The following ULK4 variants were observed in gnomAD, a reference collection of about 807,000 sequenced individuals.
The protein encoded by ULK4 is unc-51 like kinase 4.
A neutral mutation model predicts 160.6 loss-of-function variants in ULK4; 133 were observed. The observed-to-expected ratio is 0.83, with a 90% confidence interval of 0.72 to 0.96. ULK4 has a LOEUF of 0.96. ULK4 is among the 40% of genes least tolerant of loss of function. The probability of loss-of-function intolerance (pLI) is 0.00; values close to 1 mark genes in which losing one functional copy is unlikely to be tolerated. For missense variants in ULK4, 1,580 were observed against 1,499.5 expected (o/e 1.05, Z -0.89); for synonymous variants, 534 against 539.8 (o/e 0.99, Z 0.15).
intron 27 of ULK4, among the ~76,000 whole-genome samples, chr3:41,684,990 T>C (rs1404838269): frequency 1.3e-5 from 2 of 152,250 alleles, no homozygotes; most frequent in African/African-American, 2.4e-5. Flanking sequence ...CAATGACAAC[T>C]GCCTCATGCT....
At chr3:41,637,615 T>C (rs978806038) in intron 30 of ULK4, among the ~76,000 whole-genome samples, 2 of 152,364 alleles carry the variant, frequency 1.3e-5, no homozygotes, top group Middle Eastern at 3.4e-3. Flanking sequence ...GGAACCTCTA[T>C]ACTGTTTTCC....
At chr3:41,531,524 G>GAA (rs60703381) in intron 32 of ULK4, among the ~76,000 whole-genome samples, 6 of 140,902 alleles carry the variant, frequency 4.3e-5, no homozygotes, top group South Asian at 2.3e-4. Flanking sequence ...AAAAGAAAAA[G>GAA]AAAAAAAAAA....
At chr3:41,866,213 A>G (rs894504640) in intron 17 of ULK4, among the ~76,000 whole-genome samples, 2 of 152,206 alleles carry the variant, frequency 1.3e-5, no homozygotes, top group African/African-American at 2.4e-5. Flanking sequence ...CTATATGTAC[A>G]TCGTAAGACC....
chr3:41,759,630 T>C (rs569490939), intron 21 of ULK4, among the ~76,000 whole-genome samples: 2 of 152,232 alleles, frequency 1.3e-5, no homozygotes, highest in African/African-American at 4.8e-5. Context: ...GTAAACTAAG[T>C]TTAAAATTTC....
chr3:41,744,532 G>A (rs2038353092), intron 22 of ULK4, among the ~76,000 whole-genome samples: 1 of 151,770 alleles, frequency 6.6e-6, no homozygotes, highest in South Asian at 2.1e-4. Flanking sequence ...CAAACAATGA[G>A]GCCTCCAAAT....
chr3:41,519,007 G>A (rs1266327730), intron 32 of ULK4, among the ~76,000 whole-genome samples: 1 of 152,130 alleles, frequency 6.6e-6, no homozygotes, highest in Non-Finnish European at 1.5e-5. Flanking sequence ...CAGAATCTTG[G>A]AGCTAGAAGG....
At chr3:41,255,747 T>G (rs1213965666) in intron 35 of ULK4, among the ~76,000 whole-genome samples, 2 of 152,144 alleles carry the variant, frequency 1.3e-5, no homozygotes, top group Non-Finnish European at 2.9e-5. Flanking sequence ...AATGACAGAA[T>G]TAAAGTGAGA....
intron 12 of ULK4, among the ~76,000 whole-genome samples, chr3:41,902,690 T>C (rs539174188): frequency 1.3e-5 from 2 of 149,114 alleles, no homozygotes; most frequent in Non-Finnish European, 3.0e-5. Context: ...AAAAAAAAGA[T>C]GGACTTTCAT....
chr3:41,413,998 A>G (rs373871835), intron 34 of ULK4, among the ~76,000 whole-genome samples: 1 of 152,228 alleles, frequency 6.6e-6, no homozygotes, highest in East Asian at 1.9e-4. Context: ...TGAGGTCAGG[A>G]GTTCGAGACC....
intron 19 of ULK4, among the ~76,000 whole-genome samples, chr3:41,805,357 T>C (rs983596093): frequency 2.0e-5 from 3 of 152,254 alleles, no homozygotes; most frequent in African/African-American, 7.2e-5. Flanking sequence ...TTGCTGAATT[T>C]GCTTATCAGC....
chr3:41,952,789 T>C lies in ULK4; in HGVS notation c.138+1833A>G, dbSNP rs371603132. Among the ~76,000 whole-genome samples the C allele has an allele frequency of 2.0e-4, 31 of 152,332 alleles. No homozygotes were observed. In the East Asian group the frequency reaches 2.9e-3, roughly 14 times the overall value. On this transcript the variant is annotated intron_variant, in intron 2 of 36. Coordinates refer to ENST00000301831, the MANE Select transcript of ULK4 (RefSeq NM_017886.4). ...ATATTCATAGCACCATTGTTCACAA[T>C]AGTTAAAACACGGAAGCAACTTGTG...
rs1274916129 is a variant in ULK4, at chr3:41,900,831, T to C, written c.1183-2A>G. On this transcript the variant is annotated splice_acceptor_variant, in intron 12 of 36. Coordinates refer to ENST00000301831, the MANE Select transcript of ULK4 (RefSeq NM_017886.4). LOFTEE classifies it high-confidence loss of function. ...CTGACTCAGGTGTCCACTTGTAATCTGAAATGAGAACAAAAATTAGACTTT... is the reference window on the plus strand; with the variant it reads ...CTGACTCAGGTGTCCACTTGTAATCCGAAATGAGAACAAAAATTAGACTTT... 2.5e-6 allele frequency: 4 copies of C among 1,610,152 alleles called. No homozygotes were observed. Among genetic ancestry groups the C allele is most frequent in the Non-Finnish European group, 3.4e-6 (4 of 1,177,114 alleles).
intron 5 of ULK4, among the ~76,000 whole-genome samples, chr3:41,920,107 A>G (rs1406494215): frequency 6.6e-6 from 1 of 152,240 alleles, no homozygotes; most frequent in Admixed American, 6.5e-5. Flanking sequence ...TAAACCTTCA[A>G]TATAACAACC....
intron 29 of ULK4, among the ~76,000 whole-genome samples, chr3:41,668,194 G>A (rs2035412131): frequency 6.6e-6 from 1 of 152,170 alleles, no homozygotes; most frequent in Admixed American, 6.5e-5. Flanking sequence ...CTGAGAATTT[G>A]AAGGAGTGAT....
intron 30 of ULK4, among the ~76,000 whole-genome samples, chr3:41,618,511 A>G (rs1226994917): frequency 2.6e-5 from 4 of 152,216 alleles, no homozygotes; most frequent in Non-Finnish European, 2.9e-5. Flanking sequence ...AGAATTTCAT[A>G]TGCAGCCAAA....
intron 34 of ULK4, among the ~76,000 whole-genome samples, chr3:41,402,010 A>G (rs1202428609): frequency 6.6e-6 from 1 of 152,138 alleles, no homozygotes; most frequent in Non-Finnish European, 1.5e-5. Context: ...TCTGAGACTA[A>G]GCATTCACTT....
At chr3:41,818,866 C>T (rs115227655) in intron 19 of ULK4, among the ~76,000 whole-genome samples, 77 of 152,316 alleles carry the variant, frequency 5.1e-4, no homozygotes, top group African/African-American at 1.7e-3. Context: ...CACGTGGGAG[C>T]TACATATAGA....
At position 41,259,348 on chromosome 3, in the gene ULK4, T is replaced by G. The variant is rs533772325; in HGVS notation, c.3679-9774A>C. Among the ~76,000 whole-genome samples the G allele has an allele frequency of 6.4e-4, 97 of 152,296 alleles. 1 individual carries two copies. The highest frequency in any genetic ancestry group is 1.2e-3 in the Admixed American group (19 of 15,292). On this transcript the variant is annotated intron_variant, in intron 35 of 36. Coordinates refer to ENST00000301831, the MANE Select transcript of ULK4 (RefSeq NM_017886.4). ...TGCAGTACACAGTTTGGGTTGGCTC[T>G]TCTCTGGATTTCAGCTTCCCCAAAT...
chr3:41,460,562 C>G (rs977734491), intron 33 of ULK4, among the ~76,000 whole-genome samples: 1 of 151,388 alleles, frequency 6.6e-6, no homozygotes, highest in African/African-American at 2.5e-5. Flanking sequence ...TAGCCCTATG[C>G]TAGGCTCATA....
Sources: allele counts gnomAD v4.1 joint callset (sites outside exome capture counted in the v4.1 genomes callset), GRCh38; gene constraint gnomAD v4.1.1; transcripts MANE v1.5; gene names NCBI Gene and HGNC (gene_info 2026-07-23, HGNC 2026-07-21).